Variants in ZNF804A observed in about 807,000 individuals in gnomAD.
ZNF804A encodes the protein zinc finger protein 804A.
ZNF804A carries 2 observed loss-of-function variants against 16.5 expected under a neutral mutation model. The observed-to-expected ratio is 0.12, with a 90% CI of 0.05 to 0.38. ZNF804A has a LOEUF of 0.38. Among genes scored for constraint, ZNF804A ranks in the 10% least tolerant of loss-of-function variants. The probability of loss-of-function intolerance (pLI) is 0.99; values close to 1 mark genes in which losing one functional copy is unlikely to be tolerated. For missense variants in ZNF804A, 1,473 were observed against 1,390.7 expected (o/e 1.06, Z -0.94); for synonymous variants, 534 against 489.6 (o/e 1.09, Z -1.20).
chr2:184,836,779 C>T (rs895981098), intron 1 of ZNF804A, among the ~76,000 whole-genome samples: 1 of 151,730 alleles, frequency 6.6e-6, no homozygotes, highest in Non-Finnish European at 1.5e-5. Context: ...TTCTTAATCT[C>T]TCTTTATATT....
chr2:184,888,320 A>G (rs1309656640), intron 2 of ZNF804A, among the ~76,000 whole-genome samples: 1 of 152,162 alleles, frequency 6.6e-6, no homozygotes, highest in African/African-American at 2.4e-5. Context: ...CTCCACCTCA[A>G]ATTCTACCAC....
chr2:184,813,993 C>CTTTTTTTTTTT (rs1163432699), intron 1 of ZNF804A, among the ~76,000 whole-genome samples: 3 of 49,186 alleles, frequency 6.1e-5, no homozygotes, highest in Non-Finnish European at 7.4e-5. Flanking sequence ...AGAAAGGCAG[C>CTTTTTTTTTTT]TTTTTTTTTT....
chr2:184,786,604 C>T (rs1003096976), intron 1 of ZNF804A, among the ~76,000 whole-genome samples: 7 of 151,940 alleles, frequency 4.6e-5, no homozygotes, highest in South Asian at 2.1e-4. Context: ...CCCAGGTCAT[C>T]GCCCTTTCTC....
At chr2:184,833,656 GTCTT>G (rs1253322214) in intron 1 of ZNF804A, among the ~76,000 whole-genome samples, 3 of 151,978 alleles carry the variant, frequency 2.0e-5, no homozygotes, top group African/African-American at 7.2e-5. Context: ...TCAACATACA[GTCTT>G]TATTTTGATG....
intron 1 of ZNF804A, among the ~76,000 whole-genome samples, chr2:184,852,464 C>CTTT (rs550514423): frequency 7.2e-5 from 8 of 110,764 alleles, no homozygotes; most frequent in East Asian, 2.6e-4. Flanking sequence ...TTTGACTATG[C>CTTT]TTTTTTTTTT....
At chr2:184,686,495 A>T (rs190150674) in intron 1 of ZNF804A, among the ~76,000 whole-genome samples, 2 of 152,344 alleles carry the variant, frequency 1.3e-5, no homozygotes, top group East Asian at 3.9e-4. Context: ...GGCTAGCACA[A>T]CAGTGAACAT....
chr2:184,892,570 C>A (rs568662094), intron 2 of ZNF804A, among the ~76,000 whole-genome samples: 48 of 150,288 alleles, frequency 3.2e-4, no homozygotes, highest in Middle Eastern at 6.9e-3. Context: ...CTGCAACCTC[C>A]GCCTCCAAGG....
chr2:184,852,817 T>C (rs1381019508), intron 1 of ZNF804A, among the ~76,000 whole-genome samples: 2 of 147,084 alleles, frequency 1.4e-5, no homozygotes, highest in African/African-American at 2.5e-5. Context: ...GTGTCTTTTA[T>C]AATGTTAACA....
At chr2:184,716,547 C>T (rs1050622335) in intron 1 of ZNF804A, among the ~76,000 whole-genome samples, 10 of 152,134 alleles carry the variant, frequency 6.6e-5, no homozygotes, top group South Asian at 2.1e-4. Context: ...AATGTGCTCA[C>T]GATTTCTAGG....
chr2:184,873,087 C>G (rs1180414762), intron 2 of ZNF804A, among the ~76,000 whole-genome samples: 1 of 152,022 alleles, frequency 6.6e-6, no homozygotes, highest in Non-Finnish European at 1.5e-5. Context: ...CAAACAAAAT[C>G]AATGTCAGAT....
chr2:184,623,138 T>C (rs187615828), intron 1 of ZNF804A, among the ~76,000 whole-genome samples: 2 of 152,206 alleles, frequency 1.3e-5, no homozygotes, highest in East Asian at 3.9e-4. Context: ...AGCCGTTCCT[T>C]AATTGAAATC....
intron 2 of ZNF804A, among the ~76,000 whole-genome samples, chr2:184,894,810 G>A (rs1685039569): frequency 6.6e-6 from 1 of 151,852 alleles, no homozygotes; most frequent in Non-Finnish European, 1.5e-5. Flanking sequence ...CTCAGCCTCC[G>A]GAGTAGCTGG....
intron 1 of ZNF804A, among the ~76,000 whole-genome samples, chr2:184,605,500 T>C (rs936011829): frequency 2.0e-5 from 3 of 152,122 alleles, no homozygotes; most frequent in African/African-American, 7.2e-5. Flanking sequence ...TTTGAGTATC[T>C]CAAATACTCA....
chr2:184,674,635 G>C (rs1692391111), intron 1 of ZNF804A, among the ~76,000 whole-genome samples: 2 of 151,746 alleles, frequency 1.3e-5, no homozygotes, highest in Admixed American at 6.6e-5. Flanking sequence ...AAGAGGAGAA[G>C]AAAAACAGTA....
intron 1 of ZNF804A, among the ~76,000 whole-genome samples, chr2:184,696,854 T>C (rs1242786665): frequency 6.6e-6 from 1 of 152,072 alleles, no homozygotes; most frequent in East Asian, 1.9e-4. Context: ...AAGCTATCTG[T>C]TCTTCCTGAT....
At chr2:184,763,513 T>C (rs1236839256) in intron 1 of ZNF804A, among the ~76,000 whole-genome samples, 1 of 152,044 alleles carries the variant, frequency 6.6e-6, no homozygotes, top group Non-Finnish European at 1.5e-5. Context: ...AGTTAGGCTT[T>C]TCTAACAGCC....
intron 1 of ZNF804A, among the ~76,000 whole-genome samples, chr2:184,794,162 G>A (rs987129427): frequency 1.3e-4 from 20 of 152,062 alleles, no homozygotes; most frequent in Non-Finnish European, 2.4e-4. Flanking sequence ...TTTCCATAGC[G>A]GTTGTACTAG....
chr2:184,789,852 C>A (rs1013237936), intron 1 of ZNF804A, among the ~76,000 whole-genome samples: 2 of 151,024 alleles, frequency 1.3e-5, no homozygotes, highest in Non-Finnish European at 3.0e-5. Context: ...TTTTTTATTT[C>A]TTTTCTTCTG....
chr2:184,806,365 A>G (rs1694801489), intron 1 of ZNF804A, among the ~76,000 whole-genome samples: 1 of 151,912 alleles, frequency 6.6e-6, no homozygotes, highest in Non-Finnish European at 1.5e-5. Context: ...AATGCATACA[A>G]TTTTAGTCAA....
Sources: allele counts gnomAD v4.1 joint callset (sites outside exome capture counted in the v4.1 genomes callset), GRCh38; gene constraint gnomAD v4.1.1; transcripts MANE v1.5; gene names NCBI Gene and HGNC (gene_info 2026-07-23, HGNC 2026-07-21).